Variants in SLC35B3 observed in about 807,000 individuals in gnomAD.
The protein encoded by SLC35B3 is solute carrier family 35 member B3.
Under a neutral mutation model 44.1 loss-of-function variants are expected in SLC35B3, and 35 were observed. The ratio of observed to expected loss-of-function variants is 0.79; its 90% CI spans 0.61 to 1.05. The LOEUF (loss-of-function observed/expected upper bound fraction) is 1.05. Ranked by LOEUF, SLC35B3 falls within the 50% of genes least tolerant of loss-of-function variation. The pLI is 0.00. For synonymous variants in SLC35B3, 146 were observed against 167.3 expected (o/e 0.87, Z 0.98); for missense variants, 414 against 476.4 (o/e 0.87, Z 1.22).
chr6:8,433,544 T>G lies in SLC35B3; in HGVS notation c.3+841A>C, dbSNP rs1764191010. Among the ~76,000 whole-genome samples, 1 of 152,122 alleles carries G rather than the reference T, an allele frequency of 6.6e-6. No homozygotes were observed. The highest frequency in any genetic ancestry group is 2.4e-5 in the African/African-American group (1 of 41,418). ...CTCCTTTCCAACACTTTACCACTTC[T>G]AATACACTTCTTGGCAACTTTATGT... On this transcript the variant is annotated intron_variant, in intron 2 of 10. Coordinates refer to ENST00000644923, the MANE Select transcript of SLC35B3 (RefSeq NM_001370476.2). This position sits in a 1 kb window ranked among gnomAD's most constrained non-coding sequence, Gnocchi z 4.1.
At chr6:8,418,565 AAC>A (rs1554117791) in intron 7 of SLC35B3, among the ~76,000 whole-genome samples, 74 of 139,780 alleles carry the variant, frequency 5.3e-4, no homozygotes, top group South Asian at 9.3e-4. Context: ...AAAAAAAAAA[AAC>A]AGTTACAAGA....
At chr6:8,423,928 C>T (rs1009156340) in intron 4 of SLC35B3, among the ~76,000 whole-genome samples, 3 of 151,916 alleles carry the variant, frequency 2.0e-5, no homozygotes, top group African/African-American at 7.3e-5. Context: ...CACCACTTCG[C>T]CAGGTAAAAT....
At position 8,429,920 on chromosome 6, in the gene SLC35B3, A is replaced by C; in HGVS notation, c.241T>G (p.Phe81Val). ...AAAACTCCAGCAACACATATGAAAA[A>C]CTGAGTAAGTTTGTTAAACTTGCTG... is the stretch of plus-strand genomic sequence containing the variant. The change falls in exon 3 of 11, where the codon TTT (phenylalanine) becomes GTT (valine). Residue 81 changes from phenylalanine (F) to valine (V), a missense_variant. Phe to Val is a conservative substitution (Grantham distance 50). Coordinates refer to ENST00000644923, the MANE Select transcript of SLC35B3 (RefSeq NM_001370476.2). 6.2e-7 allele frequency: 1 copy of C among 1,610,166 alleles called. No homozygotes were observed.
In SLC35B3 at chr6:8,413,419, T is replaced by C. The variant is rs1762133056; in HGVS notation, c.*130A>G. The C allele has an allele frequency of 3.9e-6, 3 of 766,654 alleles. No individual in the cohort carries two copies. In the African/African-American group the frequency reaches 5.5e-5, roughly 14 times the overall value. 47.5% of individuals were successfully genotyped at this position (766,654 alleles called of 1,614,324 possible). A position where few individuals can be genotyped will look rare whatever the true frequency, so the allele number is the denominator to read the frequency against. On this transcript the variant is annotated 3_prime_UTR_variant, in exon 11 of 11. Transcript: ENST00000644923. Reference sequence around the variant, plus strand: ...AAAAGGCTGACACCGCAAAACAACTTCATATGAAATCTGTCCACAAATGGG... The same window carrying C: ...AAAAGGCTGACACCGCAAAACAACTCCATATGAAATCTGTCCACAAATGGG...
Position 8,433,746 on chromosome 6 carries a change from G to T in SLC35B3, c.3+639C>A, listed in dbSNP as rs2113574848. 6.6e-6 allele frequency among the ~76,000 whole-genome samples: 1 copy of T among 152,194 alleles called. No individual in the cohort carries two copies. The highest frequency in any genetic ancestry group is 2.1e-4 in the South Asian group (1 of 4,828). On this transcript the variant is annotated intron_variant, in intron 2 of 10. Transcript: ENST00000644923. This position sits in a 1 kb window ranked among gnomAD's most constrained non-coding sequence, Gnocchi z 4.1. ...AGTCTCATAAAACTTGCCCACCAAAGCCTTGCATTTAGAATGCTGTTTTAT... is the reference window on the plus strand; with the variant it reads ...AGTCTCATAAAACTTGCCCACCAAATCCTTGCATTTAGAATGCTGTTTTAT...
Position 8,416,949 on chromosome 6 carries a change from C to T in SLC35B3, c.920G>A (p.Gly307Glu), listed in dbSNP as rs1762463641. ...CAGAACAAAGGAGATTCCAAAATAT[C>T]CAGTGAGGGAAAAAAGGAACGCATA... The change falls in exon 9 of 11, where the codon GGA (glycine) becomes GAA (glutamate). Residue 307 changes from glycine (G) to glutamate (E), a missense_variant. Transcript: ENST00000644923. The T allele has an allele frequency of 5.0e-6, 8 of 1,604,974 alleles. No individual in the cohort carries two copies. The highest frequency in any genetic ancestry group is 6.8e-6 in the Non-Finnish European group (8 of 1,176,010).
Position 8,432,279 on chromosome 6 carries a change from T to C in SLC35B3, c.3+2106A>G, listed in dbSNP as rs950494651. 3.3e-5 allele frequency among the ~76,000 whole-genome samples: 5 copies of C among 151,696 alleles called. No individual in the cohort carries two copies. The highest frequency in any genetic ancestry group is 3.3e-4 in the Admixed American group (5 of 15,236). ...TTTATGAGCAAAACTGAAAATCTTA[T>C]AGAAAAAGAGTGGGGAAAATTTACA... is the stretch of plus-strand genomic sequence containing the variant. On this transcript the variant is annotated intron_variant, in intron 2 of 10. Transcript: ENST00000644923. This position sits in a 1 kb window ranked among gnomAD's most constrained non-coding sequence, Gnocchi z 4.8.
chr6:8,424,309 G>C (rs1360089814), intron 4 of SLC35B3, among the ~76,000 whole-genome samples: 1 of 152,128 alleles, frequency 6.6e-6, no homozygotes. Flanking sequence ...CTGGAGTGCA[G>C]TGGCGCCATC....
At chr6:8,415,138 A>G (rs1463987065) in intron 9 of SLC35B3, among the ~76,000 whole-genome samples, 161 bp from the exon 9 acceptor site, 3 of 152,200 alleles carry the variant, frequency 2.0e-5, no homozygotes, top group Non-Finnish European at 4.4e-5. Context: ...CACACGCACA[A>G]AAGTCACTGT....
Position 8,417,426 on chromosome 6 carries a change from G to A in SLC35B3, c.849C>T (p.Gly283=). Residue 283 remains glycine (G), a synonymous_variant, in exon 8 of 11, where the codon GGC becomes GGT. Transcript: ENST00000644923. ...CCTTTGCACAAAATGTTACTGCAGGGCCTAATCCACTAGTGCATGTCAATC... is the reference window on the plus strand; with the variant it reads ...CCTTTGCACAAAATGTTACTGCAGGACCTAATCCACTAGTGCATGTCAATC... The A allele has an allele frequency of 1.2e-6, 2 of 1,603,030 alleles. No homozygotes were observed. Among genetic ancestry groups the A allele is most frequent in the Non-Finnish European group, 1.7e-6 (2 of 1,174,394 alleles).
chr6:8,423,450 T>C (rs1220431353), intron 4 of SLC35B3, among the ~76,000 whole-genome samples: 1 of 152,218 alleles, frequency 6.6e-6, no homozygotes, highest in South Asian at 2.1e-4. Flanking sequence ...ACTTTGGCTC[T>C]ATCTAAAGTT....
rs17143787 is a variant in SLC35B3, at chr6:8,433,294, G to A, written c.3+1091C>T. Among the ~76,000 whole-genome samples, 4,761 of 152,186 alleles carry A rather than the reference G, an allele frequency of 0.031. 265 individuals carry two copies. The highest frequency in any genetic ancestry group is 0.11 in the African/African-American group (4,533 of 41,496). ...TGAATAAGGCCTCGAAGTTAAAAACGAGTTGATGTCCTGGACTCAATCATA... is the reference window on the plus strand; with the variant it reads ...TGAATAAGGCCTCGAAGTTAAAAACAAGTTGATGTCCTGGACTCAATCATA... On this transcript the variant is annotated intron_variant, in intron 2 of 10. Transcript: ENST00000644923. The surrounding 1 kb of genome is among the most constrained non-coding windows in gnomAD (Gnocchi z 4.1).
chr6:8,428,522 ATAAG>A (rs1763656577), intron 3 of SLC35B3, among the ~76,000 whole-genome samples: 2 of 152,212 alleles, frequency 1.3e-5, no homozygotes, highest in East Asian at 1.9e-4. Context: ...ATATGTAATT[ATAAG>A]TAATAGTAGC....
intron 4 of SLC35B3, among the ~76,000 whole-genome samples, chr6:8,424,368 T>G (rs1422490106): frequency 6.6e-6 from 1 of 152,192 alleles, no homozygotes; most frequent in East Asian, 1.9e-4. Context: ...TTCTCCTGCC[T>G]CAGCCTCCTG....
Position 8,435,069 on chromosome 6 carries a change from C to G in SLC35B3, c.-44+274G>C, listed in dbSNP as rs1002708854. The G allele has an allele frequency of 1.6e-6, 2 of 1,212,760 alleles. No individual in the cohort carries two copies. Among genetic ancestry groups the G allele is most frequent in the African/African-American group, 3.2e-5 (2 of 63,088 alleles). The allele number at this position is 1,212,760 out of a possible 1,614,324, so 75.1% of individuals were successfully genotyped here. On this transcript the variant is annotated intron_variant, in intron 1 of 10. Coordinates refer to ENST00000644923, the MANE Select transcript of SLC35B3 (RefSeq NM_001370476.2). This position sits in a 1 kb window ranked among gnomAD's most constrained non-coding sequence, Gnocchi z 5.5. The stretch of plus-strand genomic sequence containing the variant: ...AACAGCGTAAAAGACCCCTTGAGGT[C>G]ACCTCACCCCTGCGAGTCCACGGAT...
intron 7 of SLC35B3, chr6:8,418,716 G>A (rs2113315454): frequency 6.5e-6 from 1 of 153,378 alleles, no homozygotes; most frequent in African/African-American, 2.4e-5. Context: ...TTGAAAAAAA[G>A]ACCACTTGAG....
In SLC35B3 at chr6:8,435,262, G is replaced by T. The variant is rs1764380679; in HGVS notation, c.-44+81C>A. 1 of 1,289,344 alleles carries T rather than the reference G, an allele frequency of 7.8e-7. No individual in the cohort carries two copies. Among genetic ancestry groups the T allele is most frequent in the African/African-American group, 1.5e-5 (1 of 65,978 alleles). The allele number at this position is 1,289,344 out of a possible 1,614,324, so 79.9% of individuals were successfully genotyped here. On this transcript the variant is annotated intron_variant, in intron 1 of 10. Transcript: ENST00000644923. The surrounding 1 kb of genome is among the most constrained non-coding windows in gnomAD (Gnocchi z 5.5). Reference sequence around the variant, plus strand: ...TCCTCGAACGCTCCTTCTGGATGAGGAAGATGGGCAGTGTCAAGGTTTTCT... The same window carrying T: ...TCCTCGAACGCTCCTTCTGGATGAGTAAGATGGGCAGTGTCAAGGTTTTCT...
intron 4 of SLC35B3, among the ~76,000 whole-genome samples, chr6:8,424,283 G>A (rs993734172): frequency 1.6e-4 from 25 of 151,948 alleles, no homozygotes; most frequent in Admixed American, 5.9e-4. Flanking sequence ...ACGGAGTCTC[G>A]CTCTTGTTGC....
intron 4 of SLC35B3, among the ~76,000 whole-genome samples, chr6:8,426,778 G>C (rs1561758834): frequency 6.6e-6 from 1 of 152,176 alleles, no homozygotes; most frequent in Non-Finnish European, 1.5e-5. Context: ...ATCAGGCAGA[G>C]GCTGGAAGAG....
Sources: allele counts gnomAD v4.1 joint callset (sites outside exome capture counted in the v4.1 genomes callset), GRCh38; gene constraint gnomAD v4.1.1; non-coding constraint Gnocchi (gnomAD v3.1); transcripts MANE v1.5; gene names NCBI Gene and HGNC (gene_info 2026-07-23, HGNC 2026-07-21).